The following TTC27 variants were observed in gnomAD, a reference collection of about 807,000 sequenced individuals.
TTC27 encodes tetratricopeptide repeat domain 27, also known as tetratricopeptide repeat protein 27.
Under a neutral mutation model 115.9 loss-of-function variants are expected in TTC27, and 79 were observed. The ratio of observed to expected loss-of-function variants is 0.68; its 90% CI spans 0.57 to 0.82. The LOEUF (loss-of-function observed/expected upper bound fraction) is 0.82. Ranked by LOEUF, TTC27 falls within the 40% of genes least tolerant of loss-of-function variation. The pLI is 0.00. For synonymous variants in TTC27, 401 were observed against 356.0 expected (o/e 1.13, Z -1.42); for missense variants, 1,054 against 993.1 (o/e 1.06, Z -0.82).
intron 13 of TTC27, among the ~76,000 whole-genome samples, chr2:32,764,294 A>AT (rs765582768): frequency 1.4e-4 from 22 of 152,304 alleles, no homozygotes; most frequent in Non-Finnish European, 1.3e-4. Context: ...AGTAAAGCAA[A>AT]TATTGTAATA....
At chr2:32,792,488 T>C (rs1368781328) in intron 16 of TTC27, among the ~76,000 whole-genome samples, 3 of 150,106 alleles carry the variant, frequency 2.0e-5, no homozygotes, top group African/African-American at 7.5e-5. Context: ...GTTTTTTGTT[T>C]TGTTTTTTGG....
At chr2:32,683,897 T>A (rs1435912963) in intron 9 of TTC27, among the ~76,000 whole-genome samples, 1 of 152,170 alleles carries the variant, frequency 6.6e-6, no homozygotes, top group East Asian at 1.9e-4. Context: ...AGCTCATGCC[T>A]GTAATCCCAG....
In TTC27 at chr2:32,763,809, A is replaced by G. The variant is rs376738194; in HGVS notation, c.1680+5290A>G. ...TATACCCACTTGTTTCATTTTTGCA[A>G]GTGACTTCTGAAACTACTTAAATTC... On this transcript the variant is annotated intron_variant, in intron 13 of 19. Coordinates refer to ENST00000317907, the MANE Select transcript of TTC27 (RefSeq NM_017735.5). 5.3e-4 allele frequency among the ~76,000 whole-genome samples: 81 copies of G among 152,334 alleles called. 1 individual carries two copies. Among genetic ancestry groups the G allele is most frequent in the Non-Finnish European group, 9.1e-4 (62 of 68,028 alleles).
chr2:32,661,636 G>C (rs1665551863), intron 5 of TTC27, among the ~76,000 whole-genome samples: 1 of 152,222 alleles, frequency 6.6e-6, no homozygotes, highest in Non-Finnish European at 1.5e-5. Context: ...AGACTTTGCT[G>C]AAGTTGCTTA....
intron 16 of TTC27, among the ~76,000 whole-genome samples, chr2:32,810,450 T>C (rs1671282530): frequency 6.6e-6 from 1 of 152,138 alleles, no homozygotes; most frequent in Admixed American, 6.5e-5. Context: ...ATCAAATTAG[T>C]AGTTGTGGCA....
At position 32,777,881 on chromosome 2, in the gene TTC27, G is replaced by C. The variant is rs1416497879; in HGVS notation, c.1681-1G>C. ...ATGACTTTGACTTTTGGTCTTTGCAGCTCGGGGTGTGGTTTTCTCTCGGTT... is the reference window on the plus strand; with the variant it reads ...ATGACTTTGACTTTTGGTCTTTGCACCTCGGGGTGTGGTTTTCTCTCGGTT... On this transcript the variant is annotated splice_acceptor_variant, in intron 13 of 19. Transcript: ENST00000317907. LOFTEE classifies it high-confidence loss of function. 2.5e-6 allele frequency: 4 copies of C among 1,613,752 alleles called. No individual in the cohort carries two copies. The highest frequency in any genetic ancestry group is 3.4e-6 in the Non-Finnish European group (4 of 1,179,902).
intron 13 of TTC27, among the ~76,000 whole-genome samples, chr2:32,768,415 A>T (rs1289446400): frequency 6.6e-6 from 1 of 152,206 alleles, no homozygotes; most frequent in Admixed American, 6.5e-5. Context: ...CACTTTCAAA[A>T]GTGTTGCAGT....
chr2:32,757,457 A>G (rs1244949649), intron 12 of TTC27, among the ~76,000 whole-genome samples: 1 of 152,110 alleles, frequency 6.6e-6, no homozygotes, highest in Non-Finnish European at 1.5e-5. Flanking sequence ...CCTTAGAGAC[A>G]TACCTCTTTT....
At chr2:32,811,265 A>T in intron 17 of TTC27, 44 bp downstream of exon 17, 1 of 1,555,264 alleles carries the variant, frequency 6.4e-7, no homozygotes, top group Non-Finnish European at 8.8e-7. Context: ...TCGTTTGAAC[A>T]TGTTGTAGTA....
chr2:32,774,365 G>A (rs1290291362), intron 13 of TTC27, among the ~76,000 whole-genome samples: 20 of 151,950 alleles, frequency 1.3e-4, no homozygotes, highest in Non-Finnish European at 1.5e-5. Context: ...AGTAGAGACA[G>A]GGTTTTACCA....
Position 32,747,618 on chromosome 2 carries a change from A to G in TTC27, c.1453-10674A>G, listed in dbSNP as rs188763238. Among the ~76,000 whole-genome samples the G allele has an allele frequency of 6.0e-3, 914 of 152,286 alleles. 4 individuals carry two copies. The highest frequency in any genetic ancestry group is 8.8e-3 in the Non-Finnish European group (601 of 67,988). ...ACCATCGTTAAGTTGGGAACTGTTTATATTTATTTTGTCTTCTTTGCAATG... is the reference window on the plus strand; with the variant it reads ...ACCATCGTTAAGTTGGGAACTGTTTGTATTTATTTTGTCTTCTTTGCAATG... On this transcript the variant is annotated intron_variant, in intron 12 of 19. Transcript: ENST00000317907.
At chr2:32,786,422 T>A (rs1670350551) in intron 15 of TTC27, among the ~76,000 whole-genome samples, 1 of 152,204 alleles carries the variant, frequency 6.6e-6, no homozygotes, top group Admixed American at 6.5e-5. Flanking sequence ...ATTATAGATG[T>A]GAGCCACCAT....
chr2:32,788,355 T>G lies in TTC27; in HGVS notation c.1998+1206T>G, dbSNP rs368086843. Among the ~76,000 whole-genome samples the G allele has an allele frequency of 6.6e-5, 10 of 152,206 alleles. 1 individual carries two copies. The East Asian group carries it at 9.7e-4, about 15-fold the overall frequency. On this transcript the variant is annotated intron_variant, in intron 16 of 19. Transcript: ENST00000317907. Reference sequence around the variant, plus strand: ...GAGCAAAAAGGGACCTTAGAAGTCCTCTAGGGCCAGGCTGAATTAGTTTAC... The same window carrying G: ...GAGCAAAAAGGGACCTTAGAAGTCCGCTAGGGCCAGGCTGAATTAGTTTAC...
intron 16 of TTC27, among the ~76,000 whole-genome samples, chr2:32,792,471 A>C (rs1469787623): frequency 1.3e-5 from 2 of 151,892 alleles, no homozygotes; most frequent in African/African-American, 4.8e-5. Context: ...TCCACAGTCT[A>C]AGAACTGTTT....
chr2:32,693,435 G>A (rs1666882918), intron 9 of TTC27, among the ~76,000 whole-genome samples: 2 of 152,194 alleles, frequency 1.3e-5, no homozygotes, highest in South Asian at 4.1e-4. Flanking sequence ...AGAACTCTGT[G>A]TTTTAACAAG....
At chr2:32,637,982 G>T (rs1305578860) in intron 3 of TTC27, among the ~76,000 whole-genome samples, 2 of 152,220 alleles carry the variant, frequency 1.3e-5, no homozygotes. Context: ...CCATGTCCTT[G>T]AGGCTCTCCA....
At chr2:32,709,388 C>T (rs1000437458) in intron 10 of TTC27, among the ~76,000 whole-genome samples, 1 of 152,142 alleles carries the variant, frequency 6.6e-6, no homozygotes, top group African/African-American at 2.4e-5. Context: ...GGTTCAGTCT[C>T]CCTTATCTGA....
chr2:32,762,679 G>T (rs984757312), intron 13 of TTC27, among the ~76,000 whole-genome samples: 18 of 151,998 alleles, frequency 1.2e-4, no homozygotes, highest in Non-Finnish European at 1.9e-4. Flanking sequence ...TGTCACCCAG[G>T]CTGGAGTGCA....
chr2:32,724,964 G>T (rs1181313353), intron 10 of TTC27, among the ~76,000 whole-genome samples: 1 of 152,196 alleles, frequency 6.6e-6, no homozygotes, highest in Non-Finnish European at 1.5e-5. Context: ...ATCTTACGTG[G>T]ATGGCAGCAG....
Sources: allele counts gnomAD v4.1 joint callset (sites outside exome capture counted in the v4.1 genomes callset), GRCh38; gene constraint gnomAD v4.1.1; transcripts MANE v1.5; gene names NCBI Gene and HGNC (gene_info 2026-07-23, HGNC 2026-07-21).